STK32B: variants seen among roughly 807,000 people sequenced by gnomAD.
STK32B encodes the protein serine/threonine-protein kinase 32B.
In STK32B, 43 loss-of-function variants were observed where a neutral mutation model predicts 52.6. The observed-to-expected ratio is 0.82, with a 90% CI of 0.64 to 1.05. The LOEUF (loss-of-function observed/expected upper bound fraction) is 1.05. STK32B is among the 50% of genes least tolerant of loss of function. The pLI is 0.00. For synonymous variants in STK32B, 238 were observed against 204.3 expected, an observed-to-expected ratio of 1.17 and a Z score of -1.41; for missense variants, 621 against 534.6, an observed-to-expected ratio of 1.16 and a Z score of -1.59.
intron 11 of STK32B, among the ~76,000 whole-genome samples, chr4:5,495,574 C>A (rs1478285724): frequency 1.3e-5 from 2 of 152,234 alleles, no homozygotes; most frequent in Non-Finnish European, 2.9e-5. Context: ...CTTCTCTCAA[C>A]TCGTCAAAGT....
chr4:5,191,170 G>T (rs1721170580), intron 3 of STK32B, among the ~76,000 whole-genome samples: 1 of 152,058 alleles, frequency 6.6e-6, no homozygotes, highest in African/African-American at 2.4e-5. Context: ...GTGCCATAGG[G>T]GGTCCAGGAA....
chr4:5,219,272 C>T (rs376731125), intron 3 of STK32B, among the ~76,000 whole-genome samples: 4 of 152,196 alleles, frequency 2.6e-5, no homozygotes, highest in Admixed American at 2.6e-4. Context: ...TGGCCAGGCC[C>T]CCTCATGGGA....
chr4:5,089,850 AC>A (rs1553821628), intron 1 of STK32B, among the ~76,000 whole-genome samples: 2 of 151,978 alleles, frequency 1.3e-5, no homozygotes, highest in Admixed American at 1.3e-4. Flanking sequence ...TTTCTCCACA[AC>A]CTCATCTATT....
chr4:5,342,436 A>C (rs902102768), intron 4 of STK32B, among the ~76,000 whole-genome samples: 20 of 152,226 alleles, frequency 1.3e-4, no homozygotes, highest in South Asian at 6.2e-4. Context: ...CATTCTGAGC[A>C]AACTATCGCA....
intron 5 of STK32B, among the ~76,000 whole-genome samples, chr4:5,412,358 C>T (rs1260198461): frequency 6.6e-6 from 1 of 152,192 alleles, no homozygotes; most frequent in Non-Finnish European, 1.5e-5. Context: ...TCTTCGGTTG[C>T]CCATTAGATG....
intron 3 of STK32B, among the ~76,000 whole-genome samples, chr4:5,255,643 T>G (rs1470780686): frequency 6.6e-6 from 1 of 152,138 alleles, no homozygotes; most frequent in Non-Finnish European, 1.5e-5. Flanking sequence ...CTGCGTAACC[T>G]CTTTTTAACT....
chr4:5,209,820 T>A (rs941349563), intron 3 of STK32B, among the ~76,000 whole-genome samples: 1 of 152,150 alleles, frequency 6.6e-6, no homozygotes, highest in Non-Finnish European at 1.5e-5. Context: ...TTGGATACTT[T>A]AACAACCTTG....
rs1431973289 is a variant in STK32B, at chr4:5,058,107, C to T, written c.52+6192C>T. On this transcript the variant is annotated intron_variant, in intron 1 of 11. Coordinates refer to ENST00000282908, the MANE Select transcript of STK32B (RefSeq NM_018401.3). The surrounding 1 kb of genome is among the most constrained non-coding windows in gnomAD (Gnocchi z 4.8). Reference sequence around the variant, plus strand: ...GTGACCTCCTTGGAGTACCCTTATGCATTGAAGATTTTGGCCTCTGCTTCA... The same window carrying T: ...GTGACCTCCTTGGAGTACCCTTATGTATTGAAGATTTTGGCCTCTGCTTCA... Among the ~76,000 whole-genome samples, 1 of 152,174 alleles carries T rather than the reference C, an allele frequency of 6.6e-6. No homozygotes were observed. Among genetic ancestry groups the T allele is most frequent in the East Asian group, 1.9e-4 (1 of 5,188 alleles).
chr4:5,073,321 A>G (rs894352708), intron 1 of STK32B, among the ~76,000 whole-genome samples: 4 of 151,978 alleles, frequency 2.6e-5, no homozygotes, highest in African/African-American at 9.7e-5. Context: ...TGCTATAGGG[A>G]TTTACAATAT....
intron 4 of STK32B, among the ~76,000 whole-genome samples, chr4:5,370,903 G>T (rs1325239081): frequency 6.6e-6 from 1 of 151,792 alleles, no homozygotes; most frequent in African/African-American, 2.4e-5. Flanking sequence ...AGCCTAGGAG[G>T]TCGAGGCTAC....
Position 5,095,348 on chromosome 4 carries a change from C to G in STK32B, c.52+43433C>G, listed in dbSNP as rs185101685. On this transcript the variant is annotated intron_variant, in intron 1 of 11. Transcript: ENST00000282908. ...GTAACGGAGAGGCCAGGTGCAGTGG[C>G]TTACACCTGTAATCCCACCACTTTG... Among the ~76,000 whole-genome samples the G allele has an allele frequency of 3.6e-3, 554 of 152,238 alleles. 1 individual carries two copies. The highest frequency in any genetic ancestry group is 8.4e-3 in the Admixed American group (128 of 15,290).
At chr4:5,261,351 G>A (rs1321099077) in intron 3 of STK32B, among the ~76,000 whole-genome samples, 1 of 152,190 alleles carries the variant, frequency 6.6e-6, no homozygotes, top group Non-Finnish European at 1.5e-5. Flanking sequence ...CTAGAGGAGA[G>A]ACGAAGGAGG....
chr4:5,242,040 T>G (rs1054773279), intron 3 of STK32B, among the ~76,000 whole-genome samples: 1 of 152,014 alleles, frequency 6.6e-6, no homozygotes, highest in African/African-American at 2.4e-5. Context: ...TAAACATACA[T>G]GTGCATGTGT....
the STK32B span, among the ~76,000 whole-genome samples, chr4:5,029,861 C>T: frequency 1.3e-5 from 2 of 152,214 alleles, no homozygotes; most frequent in African/African-American, 4.8e-5. Flanking sequence ...ATAATCTCCA[C>T]GTGTCAAGGA....
Position 5,127,402 on chromosome 4 carries a change from G to T in STK32B, c.53-12503G>T, listed in dbSNP as rs138514873. On this transcript the variant is annotated intron_variant, in intron 1 of 11. Transcript: ENST00000282908. ...AGTTTGGGGCTGTGGTGAATTGACA[G>T]AATTAATTGCCCTGATTCTTCATCG... is the stretch of plus-strand genomic sequence containing the variant. 8.1e-4 allele frequency among the ~76,000 whole-genome samples: 123 copies of T among 152,278 alleles called. 1 individual carries two copies. In the East Asian group the frequency reaches 0.02, roughly 25 times the overall value.
At chr4:5,176,621 C>G (rs1463849168) in intron 3 of STK32B, among the ~76,000 whole-genome samples, 2 of 151,830 alleles carry the variant, frequency 1.3e-5, no homozygotes, top group Non-Finnish European at 2.9e-5. Context: ...TTTTTGTGTT[C>G]TTAGTAAAGA....
chr4:5,259,061 C>T (rs1348228380), intron 3 of STK32B, among the ~76,000 whole-genome samples: 3 of 152,176 alleles, frequency 2.0e-5, no homozygotes, highest in Non-Finnish European at 4.4e-5. Context: ...ACATGACAAC[C>T]TCCCTTTCTC....
intron 3 of STK32B, among the ~76,000 whole-genome samples, chr4:5,250,443 G>T (rs930765514): frequency 5.9e-5 from 9 of 151,508 alleles, no homozygotes; most frequent in African/African-American, 2.2e-4. Flanking sequence ...CTCCTGAGTA[G>T]CTGGGATTAC....
intron 4 of STK32B, chr4:5,345,186 T>G (rs1327122736): frequency 6.7e-6 from 1 of 150,280 alleles, no homozygotes; most frequent in Non-Finnish European, 1.5e-5. Flanking sequence ...TTAAAGTAAA[T>G]TCTTTTTTTT....
Sources: gnomAD v4.1 joint callset for allele counts (sites outside exome capture counted in the v4.1 genomes callset) on GRCh38, gnomAD v4.1.1 for gene constraint, Gnocchi (gnomAD v3.1) non-coding constraint, MANE v1.5 for transcripts, NCBI Gene and HGNC (gene_info 2026-07-23, HGNC 2026-07-21) for gene names.